Variants in RBFOX1 observed in about 807,000 individuals in gnomAD.
RBFOX1 encodes the protein RNA binding fox-1 homolog 1.
Under a neutral mutation model 57.7 loss-of-function variants are expected in RBFOX1, and 8 were observed. The observed-to-expected ratio is 0.14, with a 90% CI of 0.08 to 0.25. The LOEUF (loss-of-function observed/expected upper bound fraction) is 0.25. Ranked by LOEUF, RBFOX1 falls within the 10% of genes least tolerant of loss-of-function variation. The probability of loss-of-function intolerance (pLI) is 1.00; values close to 1 mark genes in which losing one functional copy is unlikely to be tolerated. For missense variants in RBFOX1, 611 were observed against 548.5 expected, an observed-to-expected ratio of 1.11 and a Z score of -1.14; for synonymous variants, 326 against 222.4, an observed-to-expected ratio of 1.47 and a Z score of -4.15.
chr16:5,942,370 T>C (rs760306991), intron 4 of RBFOX1, among the ~76,000 whole-genome samples: 4 of 152,174 alleles, frequency 2.6e-5, no homozygotes, highest in Non-Finnish European at 5.9e-5. Context: ...GGGTGAGAGC[T>C]ACAGGACTAG....
At chr16:7,389,566 G>T (rs2097954369) in intron 4 of RBFOX1, among the ~76,000 whole-genome samples, 1 of 152,172 alleles carries the variant, frequency 6.6e-6, no homozygotes. Flanking sequence ...CTTACAGAAT[G>T]ACTTGCTTTA....
chr16:6,901,315 A>G (rs1206432041), intron 3 of RBFOX1, among the ~76,000 whole-genome samples: 1 of 152,158 alleles, frequency 6.6e-6, no homozygotes, highest in Non-Finnish European at 1.5e-5. Context: ...TTTTAGCAAC[A>G]CGGCAAGTCA....
chr16:6,542,476 C>T (rs1409838912), intron 2 of RBFOX1, among the ~76,000 whole-genome samples: 9 of 65,760 alleles, frequency 1.4e-4, no homozygotes, highest in Non-Finnish European at 1.6e-4. Flanking sequence ...CTGTGTGGGA[C>T]CATAGTCTTT....
At chr16:5,267,909 T>C (rs1322454425) in intron 1 of RBFOX1, among the ~76,000 whole-genome samples, 3 of 151,916 alleles carry the variant, frequency 2.0e-5, no homozygotes, top group Non-Finnish European at 4.4e-5. Context: ...TGATGAAACA[T>C]CTCTACTAAA....
intron 3 of RBFOX1, among the ~76,000 whole-genome samples, chr16:7,002,884 A>G (rs890294708): frequency 2.0e-5 from 3 of 152,166 alleles, no homozygotes; most frequent in African/African-American, 7.2e-5. Context: ...GCGTGTTAAG[A>G]TAAGGCTAGA....
At chr16:7,434,241 G>C (rs1433785357) in intron 4 of RBFOX1, among the ~76,000 whole-genome samples, 1 of 152,106 alleles carries the variant, frequency 6.6e-6, no homozygotes, top group African/African-American at 2.4e-5. Context: ...GGACGCCAAG[G>C]CAGGCAGATC....
At chr16:7,588,197 C>T (rs922878399) in intron 7 of RBFOX1, among the ~76,000 whole-genome samples, 8 of 152,206 alleles carry the variant, frequency 5.3e-5, no homozygotes, top group African/African-American at 1.9e-4. Context: ...AGCAAATAAA[C>T]AAAAGAAATA....
intron 2 of RBFOX1, among the ~76,000 whole-genome samples, chr16:6,620,041 ATTCT>A (rs961304619): frequency 1.3e-5 from 2 of 152,122 alleles, no homozygotes; most frequent in African/African-American, 4.8e-5. Flanking sequence ...ACATAATCTT[ATTCT>A]TTCTTATGGC....
intron 1 of RBFOX1, among the ~76,000 whole-genome samples, chr16:6,159,802 A>T (rs1241508618): frequency 2.0e-5 from 3 of 152,226 alleles, no homozygotes; most frequent in Non-Finnish European, 4.4e-5. Context: ...AAATGACAGA[A>T]GACTGACTTG....
Position 5,380,922 on chromosome 16 carries a change from G to T in RBFOX1, c.220-86294G>T, listed in dbSNP as rs181685688. ...AAAGAGATAAAGAATGCTTTGTGAT[G>T]TCACCTTTTTATGCACTAAAATGGC... On this transcript the variant is annotated intron_variant, in intron 1 of 2. Coordinates refer to the RBFOX1 transcript ENST00000585867. Among the ~76,000 whole-genome samples the T allele has an allele frequency of 4.6e-5, 7 of 152,354 alleles. No individual in the cohort carries two copies. The East Asian group carries it at 1.3e-3, about 29-fold the overall frequency.
At chr16:6,744,076 A>G (rs2072989986) in intron 3 of RBFOX1, among the ~76,000 whole-genome samples, 1 of 152,126 alleles carries the variant, frequency 6.6e-6, no homozygotes, top group Non-Finnish European at 1.5e-5. Flanking sequence ...AATCTAAAGA[A>G]TACTGAAGTA....
intron 2 of RBFOX1, among the ~76,000 whole-genome samples, chr16:6,387,802 C>G (rs756226273): frequency 6.6e-6 from 1 of 151,998 alleles, no homozygotes; most frequent in South Asian, 2.1e-4. Flanking sequence ...GATCATTCCT[C>G]CCCATTCTCA....
chr16:5,502,891 G>C (rs1024726268), intron 2 of RBFOX1, among the ~76,000 whole-genome samples: 4 of 152,200 alleles, frequency 2.6e-5, no homozygotes, highest in Non-Finnish European at 5.9e-5. Context: ...TTGAGATCTT[G>C]AACAATACAG....
chr16:5,926,428 T>C (rs2058942700), intron 4 of RBFOX1, among the ~76,000 whole-genome samples: 1 of 151,684 alleles, frequency 6.6e-6, no homozygotes, highest in African/African-American at 2.4e-5. Context: ...GACTGGGGGG[T>C]GCTTTTGGAA....
In RBFOX1 at chr16:6,166,843, G is replaced by A. The variant is rs1042275698; in HGVS notation, c.-127+146851G>A. Among the ~76,000 whole-genome samples the A allele has an allele frequency of 2.6e-5, 4 of 151,900 alleles. No homozygotes were observed. The South Asian group carries it at 6.2e-4, about 24-fold the overall frequency. ...GGATGGAGTGCAGTGCCTCCATTTC[G>A]GCTCACTGCAACCTCCACCTCCCGG... is the stretch of plus-strand genomic sequence containing the variant. On this transcript the variant is annotated intron_variant, in intron 1 of 15. Coordinates refer to ENST00000550418, the MANE Select transcript of RBFOX1 (RefSeq NM_018723.4).
At chr16:6,631,990 G>T (rs1368370603) in intron 2 of RBFOX1, among the ~76,000 whole-genome samples, 5 of 152,144 alleles carry the variant, frequency 3.3e-5, no homozygotes, top group Admixed American at 3.3e-4. Flanking sequence ...GGAAGGAGAG[G>T]CCATTAGGGT....
intron 1 of RBFOX1, among the ~76,000 whole-genome samples, chr16:6,303,095 T>A (rs942187593): frequency 1.3e-5 from 2 of 152,198 alleles, no homozygotes; most frequent in East Asian, 3.9e-4. Context: ...TTTTACTATT[T>A]CCTTGAGATT....
chr16:5,640,464 A>G (rs928467008), intron 3 of RBFOX1, among the ~76,000 whole-genome samples: 1 of 152,022 alleles, frequency 6.6e-6, no homozygotes, highest in African/African-American at 2.4e-5. Flanking sequence ...ACAGGCACAC[A>G]CACATGTACA....
chr16:7,402,475 T>A (rs948271077), intron 4 of RBFOX1, among the ~76,000 whole-genome samples: 1 of 152,230 alleles, frequency 6.6e-6, no homozygotes, highest in Non-Finnish European at 1.5e-5. Flanking sequence ...TTTGAGAATT[T>A]CTGCCGAGAG....
Sources: gnomAD v4.1 joint callset for allele counts (sites outside exome capture counted in the v4.1 genomes callset) on GRCh38, gnomAD v4.1.1 for gene constraint, MANE v1.5 for transcripts, NCBI Gene and HGNC (gene_info 2026-07-23, HGNC 2026-07-21) for gene names.